METTL6: variants seen among roughly 807,000 people sequenced by gnomAD.
METTL6 encodes the protein methyltransferase 6, tRNA N3-cytidine.
A neutral mutation model predicts 26.4 loss-of-function variants in METTL6; 22 were observed. The ratio of observed to expected loss-of-function variants is 0.83; its 90% CI spans 0.59 to 1.19. The LOEUF is 1.19. Ranked by LOEUF, METTL6 falls within the 50% of genes most tolerant of loss-of-function variation. The pLI, the probability that METTL6 is intolerant of heterozygous loss-of-function variation, is 0.00. For synonymous variants in METTL6, 109 were observed against 116.2 expected (o/e 0.94, Z 0.40); for missense variants, 304 against 324.8 (o/e 0.94, Z 0.49).
At chr3:15,423,167 G>T (rs771113683) in intron 3 of METTL6, among the ~76,000 whole-genome samples, 7 of 152,114 alleles carry the variant, frequency 4.6e-5, no homozygotes, top group Non-Finnish European at 1.0e-4. Flanking sequence ...AGGCCAAGGC[G>T]GGTGGATTAC....
intron 3 of METTL6, among the ~76,000 whole-genome samples, chr3:15,420,220 T>C (rs2061581325): frequency 1.3e-5 from 2 of 152,180 alleles, no homozygotes; most frequent in Admixed American, 1.3e-4. Context: ...AAATAAAATC[T>C]ACATGTACTA....
chr3:15,407,317 G>A (rs540409200), downstream of METTL6, among the ~76,000 whole-genome samples: 1 of 152,292 alleles, frequency 6.6e-6, no homozygotes, highest in East Asian at 1.9e-4. Context: ...ACCATGCCCA[G>A]CTTCACCTTT....
chr3:15,390,016 A>C lies in METTL6; in HGVS notation c.*12-5829T>G, dbSNP rs148058318. 2.5e-3 allele frequency among the ~76,000 whole-genome samples: 386 copies of C among 152,056 alleles called. 2 individuals carry two copies. Among genetic ancestry groups the C allele is most frequent in the African/African-American group, 9.0e-3 (375 of 41,486 alleles). On this transcript the variant is annotated intron_variant, in intron 6 of 6. Coordinates refer to the METTL6 transcript ENST00000443029. The stretch of plus-strand genomic sequence containing the variant: ...GGTGACACAGTAAGACTCCATCTCA[A>C]GGGAAAAAAAAAAGATTGTAAGTTA...
intron 3 of METTL6, among the ~76,000 whole-genome samples, chr3:15,421,837 G>T (rs551304705): frequency 1.3e-5 from 2 of 152,142 alleles, no homozygotes; most frequent in Admixed American, 1.3e-4. Context: ...GCTTGAACCC[G>T]GGAGGTGGAG....
downstream of METTL6, among the ~76,000 whole-genome samples, chr3:15,405,717 C>T (rs1482772694): frequency 6.6e-6 from 1 of 152,306 alleles, no homozygotes; most frequent in East Asian, 1.9e-4. Context: ...TCTACCATTT[C>T]GACCTAACAA....
At chr3:15,418,357 A>T (rs972469656) in intron 3 of METTL6, among the ~76,000 whole-genome samples, 3 of 152,168 alleles carry the variant, frequency 2.0e-5, no homozygotes, top group African/African-American at 7.2e-5. Context: ...CTATAAAAAG[A>T]CTCTAAGAGA....
chr3:15,413,930 G>A (rs772614457), intron 5 of METTL6, 91 bp downstream of exon 5: 1 of 1,594,216 alleles, frequency 6.3e-7, no homozygotes. Context: ...CATGTCGCAA[G>A]CCTTCTCCAA....
At position 15,420,277 on chromosome 3, in the gene METTL6, T is replaced by C. The variant is rs73144107; in HGVS notation, c.361-4335A>G. On this transcript the variant is annotated intron_variant, in intron 3 of 5. Transcript: ENST00000383790. ...ATAATAATGTAGAATGAGGAAAGCA[T>C]GTTATGGTAAATATGATACCACAAC... 5.6e-3 allele frequency among the ~76,000 whole-genome samples: 846 copies of C among 152,334 alleles called. 7 individuals carry two copies. The highest frequency in any genetic ancestry group is 0.018 in the African/African-American group (760 of 41,578).
intron 6 of METTL6, among the ~76,000 whole-genome samples, chr3:15,387,620 G>A (rs911583402): frequency 6.6e-6 from 1 of 152,120 alleles, no homozygotes; most frequent in African/African-American, 2.4e-5. Context: ...ACTTATTAAT[G>A]TGTACACAGG....
chr3:15,415,518 A>C, intron 4 of METTL6: 1 of 1,595,756 alleles, frequency 6.3e-7, no homozygotes, highest in Non-Finnish European at 8.5e-7. Flanking sequence ...GACTCCATGG[A>C]TCCCAGGTAA....
At chr3:15,405,507 A>G (rs1454007861), downstream of METTL6, among the ~76,000 whole-genome samples, 2 of 152,256 alleles carry the variant, frequency 1.3e-5, no homozygotes, top group Non-Finnish European at 2.9e-5. Flanking sequence ...TTTTAAGTTA[A>G]TCTAGAAAAC....
chr3:15,419,354 TG>T (rs1559495823), intron 3 of METTL6, among the ~76,000 whole-genome samples: 1 of 152,084 alleles, frequency 6.6e-6, no homozygotes, highest in East Asian at 1.9e-4. Flanking sequence ...AAACTTCATG[TG>T]GGTGGGAATT....
downstream of METTL6, among the ~76,000 whole-genome samples, chr3:15,406,022 TAC>T (rs199666417): frequency 5.1e-4 from 78 of 151,888 alleles, no homozygotes; most frequent in African/African-American, 1.5e-3. Flanking sequence ...TATATATATA[TAC>T]ACACGCACAC....
At chr3:15,398,396 G>A (rs141405724) in intron 6 of METTL6, among the ~76,000 whole-genome samples, 2,379 of 152,206 alleles carry the variant, frequency 0.016, 35 homozygotes, top group African/African-American at 0.034. Context: ...GTTTCACCAT[G>A]TTGGCCAGGC....
intron 6 of METTL6, among the ~76,000 whole-genome samples, chr3:15,389,498 T>C (rs1699285643): frequency 6.6e-6 from 1 of 152,166 alleles, no homozygotes; most frequent in Admixed American, 6.5e-5. Flanking sequence ...CAGGGAGCCA[T>C]ATATTGGGGT....
chr3:15,427,421 G>C lies in METTL6; in HGVS notation c.-144C>G, dbSNP rs1353578293. 1 of 305,220 alleles carries C rather than the reference G, an allele frequency of 3.3e-6. No homozygotes were observed. The highest frequency in any genetic ancestry group is 2.3e-5 in the African/African-American group (1 of 43,802). 18.9% of individuals were successfully genotyped at this position (305,220 alleles called of 1,614,324 possible). On this transcript the variant is annotated 5_prime_UTR_variant, in exon 1 of 6. Transcript: ENST00000383790. ...ACTCACCCCACAGCCAGCCCCACTG[G>C]GCCTCGGAGGCAGAATACGGGAAGA...
At chr3:15,396,203 CT>C (rs1368171942) in intron 6 of METTL6, among the ~76,000 whole-genome samples, 1 of 152,140 alleles carries the variant, frequency 6.6e-6, no homozygotes, top group African/African-American at 2.4e-5. Context: ...TCTTTTTCTT[CT>C]TTTTTCTCTA....
In METTL6 at chr3:15,394,889, CTACAT is replaced by C. The variant is rs1699446055; in HGVS notation, c.*12-10707_*12-10703del. ...ACAGTTTGTTATAATTTCTATTCTT[CTACAT>C]TTGCTGAGGAGTGCTTTACTTCCAA... is the stretch of plus-strand genomic sequence containing the variant. On this transcript the variant is annotated intron_variant, in intron 6 of 6. Coordinates refer to the METTL6 transcript ENST00000443029. Among the ~76,000 whole-genome samples, 5 of 134,116 alleles carry C rather than the reference CTACAT, an allele frequency of 3.7e-5. No individual in the cohort carries two copies. In the Admixed American group the frequency reaches 3.8e-4, roughly 10 times the overall value. The allele number at this position is 134,116 out of a possible 152,430, so 88.0% of individuals were successfully genotyped here.
Position 15,426,470 on chromosome 3 carries a change from G to T in METTL6, c.42C>A (p.Leu14=), listed in dbSNP as rs973967968. 5 of 1,614,040 alleles carry T rather than the reference G, an allele frequency of 3.1e-6. No individual in the cohort carries two copies. Among genetic ancestry groups the T allele is most frequent in the Non-Finnish European group, 4.2e-6 (5 of 1,180,050 alleles). Residue 14 remains leucine, a synonymous_variant, in exon 2 of 6, where the codon CTC becomes CTA. Transcript: ENST00000383790. ...TCAGTTTCTCCTCTTCTTCAGAGGT[G>T]AGAATCCTTGCCTGCAGCCCTTTCC... ...LQRKGLQARI[L]TSEEEEKLKR...
Sources: allele counts gnomAD v4.1 joint callset (sites outside exome capture counted in the v4.1 genomes callset), GRCh38; gene constraint gnomAD v4.1.1; transcripts MANE v1.5; gene names NCBI Gene and HGNC (gene_info 2026-07-23, HGNC 2026-07-21).